Variants in PPP3CA observed in about 807,000 individuals in gnomAD.
PPP3CA encodes the protein CAM-PRP catalytic subunit.
In PPP3CA, 14 loss-of-function variants were observed where a neutral mutation model predicts 66.5. That is an observed-to-expected ratio of 0.21 (90% CI 0.14 to 0.33). The LOEUF is 0.33. Ranked by LOEUF, PPP3CA falls within the 10% of genes least tolerant of loss-of-function variation. The pLI is 1.00. For missense variants in PPP3CA, 317 were observed against 639.5 expected (o/e 0.50, Z 5.44); for synonymous variants, 232 against 226.2 (o/e 1.03, Z -0.23).
chr4:101,287,392 T>C (rs1288335719), intron 1 of PPP3CA, among the ~76,000 whole-genome samples: 2 of 152,192 alleles, frequency 1.3e-5, no homozygotes, highest in Admixed American at 6.5e-5. Flanking sequence ...CCAAAAGATA[T>C]AGAAATTAAA....
chr4:101,117,247 A>T (rs1457912553), intron 2 of PPP3CA, among the ~76,000 whole-genome samples: 1 of 151,876 alleles, frequency 6.6e-6, no homozygotes, highest in Non-Finnish European at 1.5e-5. Context: ...TTCATCCCCT[A>T]ATTCTCAGTT....
intron 2 of PPP3CA, among the ~76,000 whole-genome samples, chr4:101,183,692 G>C (rs1724313366): frequency 1.3e-5 from 2 of 152,122 alleles, no homozygotes; most frequent in Non-Finnish European, 2.9e-5. Flanking sequence ...AATGGGCACT[G>C]TGTCACCATT....
At chr4:101,123,692 A>G (rs1722107761) in intron 2 of PPP3CA, among the ~76,000 whole-genome samples, 1 of 152,112 alleles carries the variant, frequency 6.6e-6, no homozygotes, top group Admixed American at 6.5e-5. Context: ...AACCCCCCAA[A>G]AGATTAACAA....
chr4:101,141,597 T>C (rs1017475360), intron 2 of PPP3CA, among the ~76,000 whole-genome samples: 3 of 152,306 alleles, frequency 2.0e-5, no homozygotes, highest in East Asian at 1.9e-4. Context: ...TCTTTATTTA[T>C]TGAGTACCCT....
chr4:101,200,213 T>C (rs1724924896), intron 1 of PPP3CA, among the ~76,000 whole-genome samples: 1 of 152,172 alleles, frequency 6.6e-6, no homozygotes, highest in Non-Finnish European at 1.5e-5. Flanking sequence ...GTCATTGCCA[T>C]GGTGACACCT....
chr4:101,029,370 A>AAAAAAAAAAAAAAAAC (rs1726829783), intron 12 of PPP3CA, among the ~76,000 whole-genome samples, 175 bp from the exon 13 acceptor site: 1 of 102,186 alleles, frequency 9.8e-6, no homozygotes, highest in Non-Finnish European at 2.4e-5. Flanking sequence ...AAAAAAAAAA[A>AAAAAAAAAAAAAAAAC]AAGAAAAAAA....
At chr4:101,297,109 G>A (rs905469294) in intron 1 of PPP3CA, among the ~76,000 whole-genome samples, 1 of 152,016 alleles carries the variant, frequency 6.6e-6, no homozygotes, top group African/African-American at 2.4e-5. Context: ...GATAAAACAG[G>A]AAATATTTAT....
intron 8 of PPP3CA, among the ~76,000 whole-genome samples, chr4:101,075,249 C>G (rs558771855): frequency 6.6e-6 from 1 of 152,138 alleles, no homozygotes; most frequent in African/African-American, 2.4e-5. Context: ...AATTTTCTAC[C>G]TCTCTCTTCC....
At chr4:101,332,790 G>A (rs1031070739) in intron 1 of PPP3CA, among the ~76,000 whole-genome samples, 5 of 152,114 alleles carry the variant, frequency 3.3e-5, no homozygotes, top group Non-Finnish European at 7.4e-5. Flanking sequence ...ATGGTTACAT[G>A]ACTTGCCCAT....
At chr4:101,131,024 T>C (rs997510512) in intron 2 of PPP3CA, among the ~76,000 whole-genome samples, 25 of 151,964 alleles carry the variant, frequency 1.6e-4, no homozygotes, top group Admixed American at 9.2e-4. Context: ...ATTAGGGAGT[T>C]TGAAACTAGC....
At chr4:101,157,891 C>T (rs1408125183) in intron 2 of PPP3CA, among the ~76,000 whole-genome samples, 2 of 142,878 alleles carry the variant, frequency 1.4e-5, no homozygotes, top group East Asian at 2.1e-4. Flanking sequence ...AAAAAAAAAC[C>T]TCTCAGTCTT....
chr4:101,334,039 T>C (rs773760903), intron 1 of PPP3CA, among the ~76,000 whole-genome samples: 3 of 152,150 alleles, frequency 2.0e-5, no homozygotes, highest in Non-Finnish European at 4.4e-5. Context: ...AGAAGCAGTA[T>C]CTTTTTAACA....
intron 3 of PPP3CA, 38 bp from the exon 4 acceptor site, chr4:101,099,760 TCC>T: frequency 8.7e-7 from 1 of 1,151,220 alleles, no homozygotes; most frequent in Non-Finnish European, 1.2e-6. Context: ...TAAATATTTT[TCC>T]TTAACACTTA....
intron 1 of PPP3CA, among the ~76,000 whole-genome samples, chr4:101,268,417 G>C (rs989930854): frequency 6.6e-6 from 1 of 152,048 alleles, no homozygotes; most frequent in African/African-American, 2.4e-5. Flanking sequence ...CAATTTCAGA[G>C]AATTCCAACC....
chr4:101,097,738 A>G (rs1380881995), intron 5 of PPP3CA, among the ~76,000 whole-genome samples: 2 of 152,166 alleles, frequency 1.3e-5, no homozygotes, highest in African/African-American at 4.8e-5. Context: ...TTACTCAAGA[A>G]AGAGACACAA....
At chr4:101,145,605 T>C (rs1722944210) in intron 2 of PPP3CA, among the ~76,000 whole-genome samples, 1 of 151,752 alleles carries the variant, frequency 6.6e-6, no homozygotes. Context: ...AGACAGAGAG[T>C]AGAATGATGG....
intron 10 of PPP3CA, among the ~76,000 whole-genome samples, chr4:101,054,294 T>C (rs1203519013): frequency 6.6e-6 from 1 of 152,124 alleles, no homozygotes; most frequent in Non-Finnish European, 1.5e-5. Flanking sequence ...GTATATGTGC[T>C]GCTAAATGCA....
chr4:101,335,548 C>CAG (rs10644560), intron 1 of PPP3CA, among the ~76,000 whole-genome samples: 20,583 of 152,040 alleles, frequency 0.14, 4,570 homozygotes, highest in African/African-American at 0.46. Context: ...CTAGGTTTTA[C>CAG]AGACTTCTAC....
chr4:101,242,343 A>T (rs1022528651), intron 1 of PPP3CA, among the ~76,000 whole-genome samples: 5 of 152,142 alleles, frequency 3.3e-5, no homozygotes, highest in Admixed American at 3.3e-4. Context: ...AAACATACTT[A>T]TGTGAGATGA....
Sources: gnomAD v4.1 joint callset for allele counts (sites outside exome capture counted in the v4.1 genomes callset) on GRCh38, gnomAD v4.1.1 for gene constraint, MANE v1.5 for transcripts, NCBI Gene and HGNC (gene_info 2026-07-23, HGNC 2026-07-21) for gene names.